Variants in ZFHX3 observed in about 807,000 individuals in gnomAD.
ZFHX3 encodes the protein zinc finger homeobox 3.
Under a neutral mutation model 279.1 loss-of-function variants are expected in ZFHX3, and 42 were observed. The observed-to-expected ratio is 0.15, with a 90% CI of 0.12 to 0.19. The LOEUF (loss-of-function observed/expected upper bound fraction) is 0.19. ZFHX3 is among the 10% of genes least tolerant of loss of function. ZFHX3 has a pLI of 1.00. For synonymous variants in ZFHX3, 2,293 were observed against 1,957.8 expected (o/e 1.17, Z -4.52); for missense variants, 4,981 against 4,754.0 (o/e 1.05, Z -1.40).
chr16:73,124,144 G>A (rs1966532394), intron 7 of ZFHX3, among the ~76,000 whole-genome samples: 1 of 152,156 alleles, frequency 6.6e-6, no homozygotes, highest in African/African-American at 2.4e-5. Flanking sequence ...ATAATAGTGT[G>A]TTTTGGCCTG....
Position 73,320,729 on chromosome 16 carries a change from T to C in ZFHX3, c.-1290-2393A>G, listed in dbSNP as rs376670601. The stretch of plus-strand genomic sequence containing the variant: ...AGGCTCCCAGTGGTACTATAAACCA[T>C]CTGTGGGATGTCTGAGGCCCCGAAA... On this transcript the variant is annotated intron_variant, in intron 3 of 17. Transcript: ENST00000641206. Among the ~76,000 whole-genome samples the C allele has an allele frequency of 6.6e-5, 10 of 152,318 alleles. No individual in the cohort carries two copies. In the East Asian group the frequency reaches 1.2e-3, roughly 18 times the overall value.
chr16:73,057,039 G>A (rs763585138), intron 1 of ZFHX3, among the ~76,000 whole-genome samples: 1 of 152,036 alleles, frequency 6.6e-6, no homozygotes, highest in African/African-American at 2.4e-5. Context: ...TTAACAAACT[G>A]CCTTTTAAAA....
intron 2 of ZFHX3, among the ~76,000 whole-genome samples, chr16:73,597,910 T>C (rs1418564683): frequency 6.6e-6 from 1 of 152,198 alleles, no homozygotes; most frequent in Non-Finnish European, 1.5e-5. Flanking sequence ...GATCAGTAAC[T>C]GCTGTATGAA....
In ZFHX3 at chr16:72,800,080, G is replaced by C. The variant is rs758724812; in HGVS notation, c.3914C>G (p.Ala1305Gly). 1 of 1,614,094 alleles carries C rather than the reference G, an allele frequency of 6.2e-7. No individual in the cohort carries two copies. The highest frequency in any genetic ancestry group is 8.5e-7 in the Non-Finnish European group (1 of 1,180,048). ...GGAATTCCCATCTCGATCTGGAACAGCTGCTGGGAGGAACATGCTGCTTGG... is the reference window on the plus strand; with the variant it reads ...GGAATTCCCATCTCGATCTGGAACACCTGCTGGGAGGAACATGCTGCTTGG... Reference protein sequence around the residue: ...VMPSSMFLPAAVPDRDGNSNL... With the variant: ...VMPSSMFLPAGVPDRDGNSNL... The change falls in exon 8 of 10, where the codon GCT becomes GGT. Residue 1305 changes from alanine to glycine, a missense_variant. Coordinates refer to ENST00000268489, the MANE Select transcript of ZFHX3 (RefSeq NM_006885.4).
At chr16:73,619,788 A>G (rs1036699005) in intron 2 of ZFHX3, among the ~76,000 whole-genome samples, 11 of 151,970 alleles carry the variant, frequency 7.2e-5, no homozygotes, top group African/African-American at 2.4e-4. Context: ...CCACAAAACT[A>G]TCACTGGCTC....
At chr16:73,491,363 A>G (rs868707825) in intron 2 of ZFHX3, among the ~76,000 whole-genome samples, 2 of 152,242 alleles carry the variant, frequency 1.3e-5, no homozygotes, top group Non-Finnish European at 2.9e-5. Flanking sequence ...CATGGCTTCA[A>G]TTCACTGCAA....
chr16:72,940,914 T>C (rs887265473), intron 3 of ZFHX3, among the ~76,000 whole-genome samples: 5 of 152,244 alleles, frequency 3.3e-5, no homozygotes, highest in Non-Finnish European at 7.3e-5. Flanking sequence ...TTAGTCCCAA[T>C]TTAAACCTAC....
At chr16:73,134,722 C>T (rs993609475) in intron 6 of ZFHX3, 1 of 151,796 alleles carries the variant, frequency 6.6e-6, no homozygotes. Context: ...CAAATATTAC[C>T]CTTCCTTATG....
intron 2 of ZFHX3, among the ~76,000 whole-genome samples, chr16:73,510,986 C>A (rs778166254): frequency 1.2e-4 from 19 of 152,238 alleles, no homozygotes; most frequent in Non-Finnish European, 2.6e-4. Flanking sequence ...CAGGTACAAC[C>A]AGACAGGGCT....
At chr16:73,255,422 G>A (rs2013634741) in intron 5 of ZFHX3, among the ~76,000 whole-genome samples, 1 of 152,192 alleles carries the variant, frequency 6.6e-6, no homozygotes. Context: ...TGGGTGAGTG[G>A]TTATCTCATG....
At chr16:73,206,315 C>A (rs939398051) in intron 5 of ZFHX3, among the ~76,000 whole-genome samples, 1 of 152,254 alleles carries the variant, frequency 6.6e-6, no homozygotes. Context: ...TCTTGCTGTG[C>A]CCCCAGGTCA....
chr16:73,091,509 C>A (rs1966081611), intron 8 of ZFHX3, among the ~76,000 whole-genome samples: 1 of 151,972 alleles, frequency 6.6e-6, no homozygotes, highest in Admixed American at 6.5e-5. Context: ...AGCTGGCCAG[C>A]AGTAGCCTGA....
chr16:73,457,565 G>C (rs1454033946), intron 2 of ZFHX3, among the ~76,000 whole-genome samples: 1 of 152,136 alleles, frequency 6.6e-6, no homozygotes, highest in Non-Finnish European at 1.5e-5. Context: ...TTGAGGCCAG[G>C]AGTTCAAGAC....
At chr16:73,372,836 A>G (rs1445247270) in intron 3 of ZFHX3, among the ~76,000 whole-genome samples, 1 of 152,288 alleles carries the variant, frequency 6.6e-6, no homozygotes, top group East Asian at 1.9e-4. Context: ...GAAACCCTCA[A>G]AAAGCTCGCA....
intron 3 of ZFHX3, among the ~76,000 whole-genome samples, chr16:73,360,738 A>G (rs1299336792): frequency 6.6e-6 from 1 of 152,238 alleles, no homozygotes; most frequent in Non-Finnish European, 1.5e-5. Flanking sequence ...TGTCTGGTAT[A>G]TGACACTAAA....
At chr16:73,711,563 A>T (rs961375940) in intron 1 of ZFHX3, among the ~76,000 whole-genome samples, 11 of 152,254 alleles carry the variant, frequency 7.2e-5, no homozygotes, top group African/African-American at 2.4e-4. Context: ...ACCAAGAAGC[A>T]GTCTTCTGAA....
intron 3 of ZFHX3, among the ~76,000 whole-genome samples, chr16:73,369,807 C>T (rs8048071): frequency 0.1 from 15,748 of 152,162 alleles, 871 homozygotes; most frequent in Non-Finnish European, 0.13. Flanking sequence ...TATAAGAACA[C>T]TAAGCTTAAT....
At chr16:73,373,409 C>A (rs1277553821) in intron 3 of ZFHX3, among the ~76,000 whole-genome samples, 1 of 152,096 alleles carries the variant, frequency 6.6e-6, no homozygotes, top group Non-Finnish European at 1.5e-5. Flanking sequence ...AGGAGATGGA[C>A]CTTTGTGGGG....
chr16:72,945,560 C>A (rs73592703), intron 3 of ZFHX3, among the ~76,000 whole-genome samples: 1 of 152,218 alleles, frequency 6.6e-6, no homozygotes, highest in African/African-American at 2.4e-5. Flanking sequence ...AACATCTGGC[C>A]TTGCACACCT....
Sources: allele counts gnomAD v4.1 joint callset (sites outside exome capture counted in the v4.1 genomes callset), GRCh38; gene constraint gnomAD v4.1.1; transcripts MANE v1.5; gene names NCBI Gene and HGNC (gene_info 2026-07-23, HGNC 2026-07-21).